The following TCFL5 variants were observed in gnomAD, a reference collection of about 807,000 sequenced individuals.
TCFL5 encodes transcription factor like 5.
TCFL5 carries 9 observed loss-of-function variants against 44.3 expected under a neutral mutation model. That is an observed-to-expected ratio of 0.20 (90% CI 0.12 to 0.35). The LOEUF (loss-of-function observed/expected upper bound fraction) is 0.35, where lower values mean the gene tolerates loss of function less well. TCFL5 is among the 10% of genes least tolerant of loss of function. The pLI, the probability that TCFL5 is intolerant of heterozygous loss-of-function variation, is 1.00. For synonymous variants in TCFL5, 319 were observed against 271.6 expected, an observed-to-expected ratio of 1.17 and a Z score of -1.72; for missense variants, 603 against 613.4, an observed-to-expected ratio of 0.98 and a Z score of 0.18.
chr20:62,859,715 TTTTG>T (rs1463636981), intron 2 of TCFL5, among the ~76,000 whole-genome samples, 189 bp from the exon 3 acceptor site: 10 of 144,260 alleles, frequency 6.9e-5, no homozygotes, highest in East Asian at 6.0e-4. Flanking sequence ...ATTTTTTTGT[TTTTG>T]TTTTTTTGTT....
rs1303653617 is a variant in TCFL5, at chr20:62,841,140, A to G, written c.*835T>C. On this transcript the variant is annotated 3_prime_UTR_variant, in exon 6 of 6. Coordinates refer to ENST00000335351, the MANE Select transcript of TCFL5 (RefSeq NM_006602.4). ...TAACAAAAAATAAAGAATTTAATGT[A>G]CAGTAAATTCTCTCCCATACAAAGG... is the stretch of plus-strand genomic sequence containing the variant. 4.6e-6 allele frequency: 1 copy of G among 217,340 alleles called. No homozygotes were observed. Among genetic ancestry groups the G allele is most frequent in the Non-Finnish European group, 9.4e-6 (1 of 106,476 alleles). The allele number at this position is 217,340 out of a possible 1,614,324, so 13.5% of individuals were successfully genotyped here.
chr20:62,849,625 G>A (rs2063783505), intron 5 of TCFL5, among the ~76,000 whole-genome samples: 1 of 151,744 alleles, frequency 6.6e-6, no homozygotes, highest in African/African-American at 2.4e-5. Context: ...CACTTTGGGA[G>A]GCCAGCCTGG....
intron 3 of TCFL5, among the ~76,000 whole-genome samples, chr20:62,858,549 TC>T (rs2063931784): frequency 6.6e-6 from 1 of 152,242 alleles, no homozygotes; most frequent in Non-Finnish European, 1.5e-5. Context: ...CATCTTGTCT[TC>T]ACCAACTCTT....
chr20:62,851,654 A>G (rs1223196423), intron 5 of TCFL5: 1 of 985,336 alleles, frequency 1.0e-6, no homozygotes, highest in African/African-American at 1.7e-5. Context: ...ATGTAAATAA[A>G]CAACTTAAAT....
In TCFL5 at chr20:62,842,086, G is replaced by A. The variant is rs375210580; in HGVS notation, c.1392C>T (p.Ser464=). The A allele has an allele frequency of 1.7e-5, 28 of 1,613,986 alleles. No individual in the cohort carries two copies. The highest frequency in any genetic ancestry group is 1.6e-4 in the African/African-American group (12 of 74,910). ...TTCGGCCAGTTTTACCGCAAAATAC[G>A]CTCTCAAATTCCTGCAGTGAAGAAG... ...HGDSLKKEFE[S]VFCGKTGRRL... is the part of the protein sequence containing the mutation. The change falls in exon 6 of 6, where the codon AGC becomes AGT. Residue 464 remains serine (S), a synonymous_variant. Transcript: ENST00000335351. This position sits in a 1 kb window ranked among gnomAD's most constrained non-coding sequence, Gnocchi z 4.3.
rs1285578811 is a variant in TCFL5, at chr20:62,861,755, C to T, written c.-85G>A. On this transcript the variant is annotated 5_prime_UTR_variant, in exon 1 of 6. Coordinates refer to ENST00000335351, the MANE Select transcript of TCFL5 (RefSeq NM_006602.4). The surrounding 1 kb of genome is among the most constrained non-coding windows in gnomAD (Gnocchi z 4.0). ...GGGAGGCGGGAGGCGGGAGGCGACC[C>T]CCGGCCCGAGCACTACTCTGCGCCG... 1.4e-5 allele frequency: 2 copies of T among 138,728 alleles called. No homozygotes were observed. Among genetic ancestry groups the T allele is most frequent in the Non-Finnish European group, 3.2e-5 (2 of 62,480 alleles). The allele number at this position is 138,728 out of a possible 1,614,324, so 8.6% of individuals were successfully genotyped here. A position where few individuals can be genotyped will look rare whatever the true frequency, so the allele number is the denominator to read the frequency against.
chr20:62,844,463 T>A (rs1292512174), intron 5 of TCFL5, among the ~76,000 whole-genome samples: 1 of 152,190 alleles, frequency 6.6e-6, no homozygotes, highest in Non-Finnish European at 1.5e-5. Context: ...CAGGCTGGAA[T>A]GCAGTGGCAC....
At chr20:62,857,094 T>C (rs2063904890) in intron 4 of TCFL5, among the ~76,000 whole-genome samples, 2 of 152,182 alleles carry the variant, frequency 1.3e-5, no homozygotes, top group South Asian at 4.1e-4. Context: ...TCTTAGAAGC[T>C]TGCACCTCAG....
intron 5 of TCFL5, chr20:62,852,332 C>A (rs1219357910): frequency 1.0e-6 from 1 of 984,946 alleles, no homozygotes; most frequent in Non-Finnish European, 1.2e-6. Context: ...ACTCGGGTCC[C>A]CCAAAGGCAG....
intron 5 of TCFL5, chr20:62,852,565 C>G (rs529220540): frequency 2.0e-6 from 2 of 985,372 alleles, no homozygotes; most frequent in East Asian, 1.1e-4. Context: ...GACAGGATCA[C>G]GGCAGGCTGG....
rs1048242440 is a variant in TCFL5 at position 62,861,757 on chromosome 20, C to G, written c.-87G>C. 6.8e-6 allele frequency: 1 copy of G among 147,542 alleles called. No individual in the cohort carries two copies. The highest frequency in any genetic ancestry group is 6.8e-5 in the Admixed American group (1 of 14,780). The allele number at this position is 147,542 out of a possible 1,614,324, so 9.1% of individuals were successfully genotyped here. A position where few individuals can be genotyped will look rare whatever the true frequency, so the allele number is the denominator to read the frequency against. On this transcript the variant is annotated 5_prime_UTR_variant, in exon 1 of 6. Transcript: ENST00000335351. This position sits in a 1 kb window ranked among gnomAD's most constrained non-coding sequence, Gnocchi z 4.0. ...GAGGCGGGAGGCGGGAGGCGACCCC[C>G]GGCCCGAGCACTACTCTGCGCCGGC... is the stretch of plus-strand genomic sequence containing the variant.
intron 5 of TCFL5, chr20:62,845,869 C>T (rs1233349107): frequency 6.4e-7 from 1 of 1,571,686 alleles, no homozygotes; most frequent in Admixed American, 1.8e-5. Flanking sequence ...TGTGGAGAAA[C>T]AGTGCCAGTG....
At chr20:62,845,844 A>G (rs1429077453) in intron 5 of TCFL5, 2 of 1,592,448 alleles carry the variant, frequency 1.3e-6, no homozygotes, top group Admixed American at 1.7e-5. Flanking sequence ...GATTTATGAC[A>G]AAGATCAGTT....
chr20:62,856,433 G>A (rs111404705), intron 4 of TCFL5, among the ~76,000 whole-genome samples: 7,238 of 151,644 alleles, frequency 0.048, 562 homozygotes, highest in African/African-American at 0.16. Flanking sequence ...AGCCAGGAGC[G>A]GTGGCTCACA....
chr20:62,853,989 T>G, intron 5 of TCFL5, 27 bp downstream of exon 5: 1 of 1,607,378 alleles, frequency 6.2e-7, no homozygotes, highest in Non-Finnish European at 8.5e-7. Context: ...TGTAAAATTC[T>G]GAAAATCTAC....
intron 3 of TCFL5, among the ~76,000 whole-genome samples, chr20:62,858,811 C>T (rs1000254894): frequency 7.6e-6 from 1 of 130,750 alleles, no homozygotes. Flanking sequence ...GAGGAAGGGG[C>T]TACGCAGGTG....
At chr20:62,859,105 C>T (rs1335798040) in intron 3 of TCFL5, among the ~76,000 whole-genome samples, 2 of 152,174 alleles carry the variant, frequency 1.3e-5, no homozygotes, top group African/African-American at 2.4e-5. Flanking sequence ...TTATGTAAGT[C>T]TATCACTTTA....
intron 3 of TCFL5, among the ~76,000 whole-genome samples, chr20:62,858,077 A>G (rs1185983670): frequency 6.6e-6 from 1 of 151,264 alleles, no homozygotes; most frequent in East Asian, 1.9e-4. Context: ...TAAGAACAAG[A>G]AAAAAAAACA....
intron 5 of TCFL5, chr20:62,851,696 G>C (rs1465269850): frequency 5.1e-6 from 5 of 985,186 alleles, no homozygotes; most frequent in Non-Finnish European, 6.0e-6. Flanking sequence ...ATGTCATGTG[G>C]ACACAGAAAA....
Sources: allele counts gnomAD v4.1 joint callset (sites outside exome capture counted in the v4.1 genomes callset), GRCh38; gene constraint gnomAD v4.1.1; non-coding constraint Gnocchi (gnomAD v3.1); transcripts MANE v1.5; gene names NCBI Gene and HGNC (gene_info 2026-07-23, HGNC 2026-07-21).